Variants in ARB2A observed in about 807,000 individuals in gnomAD.
ARB2A encodes the protein ARB2 cotranscriptional regulator A.
At chr5:93,747,088 T>C in the ARB2A span, among the ~76,000 whole-genome samples, 2 of 152,080 alleles carry the variant, frequency 1.3e-5, no homozygotes, top group East Asian at 3.8e-4. Flanking sequence ...CACAACTGGT[T>C]TAACGAAAAA....
chr5:93,716,091 A>C, the ARB2A span, among the ~76,000 whole-genome samples: 2 of 152,212 alleles, frequency 1.3e-5, no homozygotes, highest in African/African-American at 2.4e-5. Flanking sequence ...GGGCAAGGTA[A>C]ACTATATAAT....
the ARB2A span, among the ~76,000 whole-genome samples, chr5:94,066,422 GCACACACACACACACACACACACA>G: frequency 7.6e-6 from 1 of 132,436 alleles, no homozygotes; most frequent in Non-Finnish European, 1.6e-5. Flanking sequence ...GCCAGACTAA[GCACACACACACACACACACACACA>G]CACACACACA....
the ARB2A span, among the ~76,000 whole-genome samples, chr5:93,943,301 T>C: frequency 1.3e-5 from 2 of 152,112 alleles, no homozygotes; most frequent in African/African-American, 2.4e-5. Context: ...TGTTGAAAAA[T>C]GGTAGCTTGT....
chr5:93,862,144 CAG>C, the ARB2A span: 4 of 152,126 alleles, frequency 2.6e-5, no homozygotes, highest in Non-Finnish European at 5.9e-5. Context: ...GTATTTATGA[CAG>C]AGTATATTTA....
the ARB2A span, among the ~76,000 whole-genome samples, chr5:93,933,612 T>C: frequency 6.6e-6 from 1 of 151,238 alleles, no homozygotes; most frequent in African/African-American, 2.4e-5. Flanking sequence ...TAAGAACACA[T>C]GGACACAAGG....
the ARB2A span, among the ~76,000 whole-genome samples, chr5:94,049,454 C>A: frequency 6.6e-6 from 1 of 152,014 alleles, no homozygotes; most frequent in Admixed American, 6.6e-5. Flanking sequence ...TCCCAGTACT[C>A]TGGGAGGCCG....
At chr5:93,640,264 C>G in the ARB2A span, among the ~76,000 whole-genome samples, 1 of 149,852 alleles carries the variant, frequency 6.7e-6, no homozygotes, top group African/African-American at 2.5e-5. Context: ...GCCTGGCCAA[C>G]GTGGTGAAAC....
At chr5:93,857,896 T>C in the ARB2A span, among the ~76,000 whole-genome samples, 1 of 152,228 alleles carries the variant, frequency 6.6e-6, no homozygotes, top group African/African-American at 2.4e-5. Context: ...CTGGGAGCTG[T>C]AGACTGGAGC....
chr5:93,817,317 A>G, the ARB2A span, among the ~76,000 whole-genome samples: 2 of 152,186 alleles, frequency 1.3e-5, no homozygotes, highest in Non-Finnish European at 2.9e-5. Flanking sequence ...ACAACAAAGC[A>G]TTTTTGAAAG....
the ARB2A span, among the ~76,000 whole-genome samples, chr5:93,897,930 A>G: frequency 1.3e-5 from 2 of 151,888 alleles, no homozygotes; most frequent in African/African-American, 4.8e-5. Flanking sequence ...GTAACTTCAG[A>G]TTGTAAGAAA....
At chr5:94,033,286 TTTC>T in the ARB2A span, among the ~76,000 whole-genome samples, 1 of 152,174 alleles carries the variant, frequency 6.6e-6, no homozygotes, top group African/African-American at 2.4e-5. Context: ...AGATAACTTG[TTTC>T]TTATTTTACA....
the ARB2A span, among the ~76,000 whole-genome samples, chr5:93,797,802 A>T: frequency 6.6e-6 from 1 of 152,168 alleles, no homozygotes; most frequent in Non-Finnish European, 1.5e-5. Flanking sequence ...ATGGCACAGA[A>T]ATGGGAGAAC....
the ARB2A span, among the ~76,000 whole-genome samples, chr5:94,090,357 T>G: frequency 4.6e-5 from 7 of 152,228 alleles, no homozygotes; most frequent in African/African-American, 1.2e-4. Context: ...ATGCTTGTGA[T>G]TTCTGCACAT....
chr5:93,719,852 T>C, the ARB2A span, among the ~76,000 whole-genome samples: 2 of 152,162 alleles, frequency 1.3e-5, no homozygotes, highest in Non-Finnish European at 2.9e-5. Flanking sequence ...AGAAAATCCT[T>C]TGGTTTCTAT....
chr5:94,044,132 C>T, the ARB2A span, among the ~76,000 whole-genome samples: 1 of 152,222 alleles, frequency 6.6e-6, no homozygotes, highest in African/African-American at 2.4e-5. Flanking sequence ...ACGTAAAAAT[C>T]TGGATCAGTA....
chr5:93,843,190 C>T, the ARB2A span, among the ~76,000 whole-genome samples: 1 of 152,106 alleles, frequency 6.6e-6, no homozygotes, highest in Non-Finnish European at 1.5e-5. Flanking sequence ...AAGTCCCACC[C>T]AGATGCTTAG....
chr5:93,781,691 T>G, the ARB2A span, among the ~76,000 whole-genome samples: 3 of 96,046 alleles, frequency 3.1e-5, no homozygotes, highest in Non-Finnish European at 4.9e-5. Context: ...CCAACATCTG[T>G]TTTTTTTTTT....
the ARB2A span, among the ~76,000 whole-genome samples, chr5:94,008,589 A>G: frequency 2.0e-5 from 3 of 152,308 alleles, no homozygotes; most frequent in South Asian, 6.2e-4. Context: ...TCAGCAGATG[A>G]GATTTTAAAA....
At chr5:93,960,521 T>C in the ARB2A span, among the ~76,000 whole-genome samples, 1 of 152,318 alleles carries the variant, frequency 6.6e-6, no homozygotes, top group African/African-American at 2.4e-5. Context: ...CTCTCGTTTG[T>C]ATCCACTTAT....
Sources: allele counts gnomAD v4.1 joint callset (sites outside exome capture counted in the v4.1 genomes callset), GRCh38; gene constraint gnomAD v4.1.1; transcripts MANE v1.5; gene names NCBI Gene and HGNC (gene_info 2026-07-23, HGNC 2026-07-21).